The following DLGAP2 variants were observed in gnomAD, a reference collection of about 807,000 sequenced individuals.
DLGAP2 encodes the protein DLG associated protein 2, also known as disks large-associated protein 2.
Under a neutral mutation model 100.3 loss-of-function variants are expected in DLGAP2, and 26 were observed. The ratio of observed to expected loss-of-function variants is 0.26; its 90% CI spans 0.19 to 0.36. The LOEUF (loss-of-function observed/expected upper bound fraction) is 0.36, where lower values mean the gene tolerates loss of function less well. DLGAP2 is among the 10% of genes least tolerant of loss of function. The pLI, the probability that DLGAP2 is intolerant of heterozygous loss-of-function variation, is 1.00. For synonymous variants in DLGAP2, 886 were observed against 630.1 expected (o/e 1.41, Z -6.08); for missense variants, 1,858 against 1,453.2 (o/e 1.28, Z -4.53).
rs1351004118 is a variant in DLGAP2, at chr8:1,430,086, G to A, written c.107-71280G>A. ...TTAGTGAGAATAATTATGTTACTGTGTGGTAAAATAAACCACTGCCGCAGC... is the reference window on the plus strand; with the variant it reads ...TTAGTGAGAATAATTATGTTACTGTATGGTAAAATAAACCACTGCCGCAGC... On this transcript the variant is annotated intron_variant, in intron 3 of 14. Coordinates refer to ENST00000637795, the MANE Select transcript of DLGAP2 (RefSeq NM_001346810.2). Among the ~76,000 whole-genome samples the A allele has an allele frequency of 3.6e-5, 5 of 140,284 alleles. No individual in the cohort carries two copies. The East Asian group carries it at 1.1e-3, about 30-fold the overall frequency. The allele number at this position is 140,284 out of a possible 152,430, so 92.0% of individuals were successfully genotyped here.
At chr8:1,418,328 T>A (rs1454580006) in intron 3 of DLGAP2, among the ~76,000 whole-genome samples, 2 of 152,212 alleles carry the variant, frequency 1.3e-5, no homozygotes, top group Non-Finnish European at 2.9e-5. Flanking sequence ...GCCTCAAACA[T>A]GAAAATATTC....
chr8:1,491,885 G>T (rs1799400743), intron 3 of DLGAP2, among the ~76,000 whole-genome samples: 1 of 152,174 alleles, frequency 6.6e-6, no homozygotes, highest in South Asian at 2.1e-4. Context: ...GTAGTTTATC[G>T]GAAGGCATGG....
In DLGAP2 at chr8:1,108,739, A is replaced by T. The variant is rs552453414; in HGVS notation, c.74-150112A>T. Among the ~76,000 whole-genome samples the T allele has an allele frequency of 7.7e-5, 8 of 103,644 alleles. No homozygotes were observed. The South Asian group carries it at 1.4e-3, about 19-fold the overall frequency. The allele number at this position is 103,644 out of a possible 152,430, so 68.0% of individuals were successfully genotyped here. ...GTGCCTATAATGTGTGCACGTGCCTATGAAGTGTGCTGGGTCTGTGAGGTG... is the reference window on the plus strand; with the variant it reads ...GTGCCTATAATGTGTGCACGTGCCTTTGAAGTGTGCTGGGTCTGTGAGGTG... On this transcript the variant is annotated intron_variant, in intron 2 of 14. Coordinates refer to ENST00000637795, the MANE Select transcript of DLGAP2 (RefSeq NM_001346810.2).
At chr8:913,903 C>T (rs949703912) in intron 2 of DLGAP2, among the ~76,000 whole-genome samples, 38 of 152,316 alleles carry the variant, frequency 2.5e-4, no homozygotes, top group African/African-American at 7.9e-4. Context: ...GCTGTGGGCA[C>T]GGCCCCCGGA....
chr8:902,051 C>A (rs1159060132), intron 1 of DLGAP2, among the ~76,000 whole-genome samples: 1 of 152,184 alleles, frequency 6.6e-6, no homozygotes, highest in Non-Finnish European at 1.5e-5. Flanking sequence ...GTCATCGGAA[C>A]CGAGGAACCC....
chr8:1,435,654 C>A (rs1244629871), intron 3 of DLGAP2, among the ~76,000 whole-genome samples: 1 of 151,794 alleles, frequency 6.6e-6, no homozygotes, highest in East Asian at 2.0e-4. Flanking sequence ...TGTGGAAAAC[C>A]ATTATCTGTA....
At chr8:1,117,370 C>T (rs935723307) in intron 2 of DLGAP2, among the ~76,000 whole-genome samples, 2 of 152,160 alleles carry the variant, frequency 1.3e-5, no homozygotes, top group African/African-American at 4.8e-5. Context: ...CTTCTTTGAG[C>T]CAAGAAATTG....
chr8:1,618,736 G>A (rs1233286208), intron 6 of DLGAP2, among the ~76,000 whole-genome samples: 1 of 152,126 alleles, frequency 6.6e-6, no homozygotes, highest in African/African-American at 2.4e-5. Flanking sequence ...TTTGGGGCCA[G>A]ACAATTGTCT....
At chr8:885,039 G>A (rs1797896140) in intron 1 of DLGAP2, among the ~76,000 whole-genome samples, 1 of 152,190 alleles carries the variant, frequency 6.6e-6, no homozygotes, top group African/African-American at 2.4e-5. Context: ...CTGTAGCCTT[G>A]TAGTATAGTT....
intron 2 of DLGAP2, among the ~76,000 whole-genome samples, chr8:962,543 C>G (rs1402830488): frequency 6.6e-6 from 1 of 152,172 alleles, no homozygotes; most frequent in Admixed American, 6.5e-5. Flanking sequence ...CACATGGGCC[C>G]TGGCCTGACC....
chr8:1,541,515 C>T (rs1008435594), intron 4 of DLGAP2, among the ~76,000 whole-genome samples: 1 of 152,178 alleles, frequency 6.6e-6, no homozygotes, highest in African/African-American at 2.4e-5. Flanking sequence ...CTGGGTGATG[C>T]TGAGGTATAG....
intron 3 of DLGAP2, among the ~76,000 whole-genome samples, chr8:1,310,368 A>T: frequency 6.6e-6 from 1 of 152,206 alleles, no homozygotes; most frequent in South Asian, 2.1e-4. Context: ...GTCCCAAAAT[A>T]TGTGAAGCAA....
At position 1,287,183 on chromosome 8, in the gene DLGAP2, GA is replaced by G. The variant is rs556641047; in HGVS notation, c.106+28301del. On this transcript the variant is annotated intron_variant, in intron 3 of 14. Transcript: ENST00000637795. Reference sequence around the variant, plus strand: ...GCGCGCGCGCGCGTGGTTCTGTTAGGAGGGGAACTAGTTTTGGTTCAGTGTG... The same window carrying G: ...GCGCGCGCGCGCGTGGTTCTGTTAGGGGGGAACTAGTTTTGGTTCAGTGTG... Among the ~76,000 whole-genome samples, 12 of 126,354 alleles carry G rather than the reference GA, an allele frequency of 9.5e-5. No homozygotes were observed. In the East Asian group the frequency reaches 3.0e-3, roughly 32 times the overall value. The allele number at this position is 126,354 out of a possible 152,430, so 82.9% of individuals were successfully genotyped here.
chr8:1,285,500 G>A (rs538535439), intron 3 of DLGAP2, among the ~76,000 whole-genome samples: 3 of 152,272 alleles, frequency 2.0e-5, no homozygotes, highest in East Asian at 3.9e-4. Flanking sequence ...TCTGGATTCT[G>A]TTGTGCAGGT....
At chr8:1,086,864 T>G (rs1358417486) in intron 2 of DLGAP2, among the ~76,000 whole-genome samples, 1 of 151,904 alleles carries the variant, frequency 6.6e-6, no homozygotes, top group East Asian at 1.9e-4. Context: ...AGACAGAAAA[T>G]TAATAAGAAA....
chr8:834,261 T>A (rs549848450), intron 1 of DLGAP2, among the ~76,000 whole-genome samples: 1 of 152,288 alleles, frequency 6.6e-6, no homozygotes, highest in Non-Finnish European at 1.5e-5. Flanking sequence ...CCCCTGCCCC[T>A]CACGTGGGGC....
At chr8:1,562,360 C>G (rs1210451616) in intron 5 of DLGAP2, among the ~76,000 whole-genome samples, 3 of 44,580 alleles carry the variant, frequency 6.7e-5, no homozygotes, top group South Asian at 1.5e-3. Flanking sequence ...TTGGGGTGTC[C>G]GCGCCTCGTT....
intron 2 of DLGAP2, among the ~76,000 whole-genome samples, chr8:1,215,879 A>G (rs1311530291): frequency 6.9e-6 from 1 of 144,296 alleles, no homozygotes; most frequent in Non-Finnish European, 1.5e-5. Context: ...GGAGACGTCC[A>G]GGTACCTCCA....
chr8:1,689,124 C>T (rs542874636), intron 12 of DLGAP2, among the ~76,000 whole-genome samples: 1 of 152,292 alleles, frequency 6.6e-6, no homozygotes, highest in African/African-American at 2.4e-5. Context: ...AGAACCTACA[C>T]GAGGATTGGG....
Sources: allele counts gnomAD v4.1 joint callset (sites outside exome capture counted in the v4.1 genomes callset), GRCh38; gene constraint gnomAD v4.1.1; transcripts MANE v1.5; gene names NCBI Gene and HGNC (gene_info 2026-07-23, HGNC 2026-07-21).